KAZN: variants seen among roughly 807,000 people sequenced by gnomAD.
KAZN encodes kazrin.
KAZN carries 40 observed loss-of-function variants against 87.4 expected under a neutral mutation model. That is an observed-to-expected ratio of 0.46 (90% CI 0.36 to 0.60). The LOEUF (loss-of-function observed/expected upper bound fraction) is 0.60, where lower values mean the gene tolerates loss of function less well. Among genes scored for constraint, KAZN ranks in the 20% least tolerant of loss-of-function variants. KAZN has a pLI of 0.00. For missense variants in KAZN, 898 were observed against 1,073.9 expected (o/e 0.84, Z 2.29); for synonymous variants, 466 against 458.3 (o/e 1.02, Z -0.22).
chr1:14,185,162 T>A (rs532906371), intron 2 of KAZN, among the ~76,000 whole-genome samples: 3 of 152,282 alleles, frequency 2.0e-5, no homozygotes, highest in South Asian at 2.1e-4. Context: ...ACCGCACATG[T>A]GGGTTTTCCT....
Position 15,025,240 on chromosome 1 carries a change from G to A in KAZN, c.419-9509G>A, listed in dbSNP as rs905337048. On this transcript the variant is annotated intron_variant, in intron 2 of 14. Coordinates refer to ENST00000376030, the MANE Select transcript of KAZN (RefSeq NM_201628.3). ...TTCACTTACCTTTGGCCCAGGTGAG[G>A]GAAATAAAGTCTGCTCTTTCACCCT... Among the ~76,000 whole-genome samples the A allele has an allele frequency of 2.0e-4, 31 of 152,272 alleles. 1 individual carries two copies. Among genetic ancestry groups the A allele is most frequent in the Middle Eastern group, 3.4e-3 (1 of 294 alleles).
At chr1:14,504,188 G>A (rs773970231) in intron 2 of KAZN, among the ~76,000 whole-genome samples, 6 of 152,154 alleles carry the variant, frequency 3.9e-5, no homozygotes, top group Non-Finnish European at 8.8e-5. Context: ...CAATTACCTT[G>A]TCTCTGAACA....
intron 2 of KAZN, among the ~76,000 whole-genome samples, chr1:14,457,603 A>C (rs1455139658): frequency 1.3e-5 from 2 of 152,018 alleles, no homozygotes; most frequent in Non-Finnish European, 2.9e-5. Flanking sequence ...GTACATTTTA[A>C]ATTTTTCAAG....
At chr1:15,067,872 G>T (rs1341097987) in intron 8 of KAZN, 1 of 961,068 alleles carries the variant, frequency 1.0e-6, no homozygotes. Flanking sequence ...TTCTTTTCTG[G>T]TTGATTTTTA....
At chr1:14,755,626 C>T (rs1004571530) in intron 1 of KAZN, among the ~76,000 whole-genome samples, 53 of 152,260 alleles carry the variant, frequency 3.5e-4, no homozygotes, top group African/African-American at 1.2e-3. Context: ...TTTGCATAAT[C>T]GCTGACTGTT....
chr1:14,443,159 G>A (rs1666790254), intron 2 of KAZN, among the ~76,000 whole-genome samples: 1 of 152,210 alleles, frequency 6.6e-6, no homozygotes, highest in Admixed American at 6.5e-5. Context: ...GGCTTCCCAA[G>A]TAATATATTA....
intron 1 of KAZN, among the ~76,000 whole-genome samples, chr1:14,104,597 C>A (rs948409691): frequency 6.6e-6 from 1 of 152,184 alleles, no homozygotes; most frequent in Non-Finnish European, 1.5e-5. Context: ...TGTGGCCAAC[C>A]TAGAACTTGA....
intron 1 of KAZN, among the ~76,000 whole-genome samples, chr1:13,930,490 G>C (rs549463164): frequency 6.6e-6 from 1 of 152,220 alleles, no homozygotes; most frequent in East Asian, 1.9e-4. Context: ...AATCTACTAA[G>C]CCATTTTCCC....
At chr1:14,015,744 C>T (rs1333740301) in intron 1 of KAZN, among the ~76,000 whole-genome samples, 2 of 151,124 alleles carry the variant, frequency 1.3e-5, no homozygotes, top group African/African-American at 4.9e-5. Flanking sequence ...AAACCTGTCT[C>T]TACTAAAAAT....
intron 2 of KAZN, among the ~76,000 whole-genome samples, chr1:14,248,860 G>C (rs1649752178): frequency 6.6e-6 from 1 of 152,108 alleles, no homozygotes; most frequent in Non-Finnish European, 1.5e-5. Context: ...TTGTTCATGG[G>C]GACATTCACA....
At chr1:14,763,921 T>C (rs182742700) in intron 1 of KAZN, among the ~76,000 whole-genome samples, 67 of 152,268 alleles carry the variant, frequency 4.4e-4, no homozygotes, top group African/African-American at 1.6e-3. Flanking sequence ...AGCTAATTTT[T>C]GTATGTTAGT....
chr1:14,271,881 C>T (rs1651969558), intron 2 of KAZN, among the ~76,000 whole-genome samples: 1 of 152,158 alleles, frequency 6.6e-6, no homozygotes, highest in South Asian at 2.1e-4. Context: ...AGTACTAAGG[C>T]AGAGGAATTC....
intron 2 of KAZN, among the ~76,000 whole-genome samples, chr1:14,458,796 T>C (rs1452610970): frequency 2.6e-5 from 4 of 152,246 alleles, no homozygotes; most frequent in African/African-American, 9.6e-5. Flanking sequence ...TGGGATATTT[T>C]AGCACAACGG....
chr1:13,937,716 A>G (rs1301921393), intron 1 of KAZN, among the ~76,000 whole-genome samples: 2 of 152,174 alleles, frequency 1.3e-5, no homozygotes, highest in African/African-American at 2.4e-5. Context: ...AGTGAGAGAT[A>G]TGGGTCCAGT....
At chr1:14,380,535 C>A (rs1557676728) in intron 2 of KAZN, among the ~76,000 whole-genome samples, 1 of 152,042 alleles carries the variant, frequency 6.6e-6, no homozygotes, top group African/African-American at 2.4e-5. Context: ...TTGAAAAGAA[C>A]CAAGCAGAAA....
At chr1:14,934,217 T>C (rs950903344) in intron 1 of KAZN, among the ~76,000 whole-genome samples, 17 of 150,624 alleles carry the variant, frequency 1.1e-4, no homozygotes, top group African/African-American at 3.9e-4. Context: ...TTCTTTTTTT[T>C]TTTTTCTTTG....
chr1:14,494,089 A>G (rs1557757325), intron 2 of KAZN, among the ~76,000 whole-genome samples: 1 of 152,110 alleles, frequency 6.6e-6, no homozygotes, highest in South Asian at 2.1e-4. Flanking sequence ...TCCCCTGAAT[A>G]TTATGGATGT....
intron 2 of KAZN, among the ~76,000 whole-genome samples, chr1:14,198,094 C>G (rs1570993357): frequency 6.6e-6 from 1 of 152,108 alleles, no homozygotes; most frequent in Admixed American, 6.5e-5. Context: ...AGTGGCATTT[C>G]GAGTTCTCAA....
intron 1 of KAZN, among the ~76,000 whole-genome samples, chr1:14,047,591 G>A (rs367807880): frequency 3.7e-4 from 56 of 152,266 alleles, no homozygotes; most frequent in East Asian, 9.6e-4. Flanking sequence ...AGTTTAGTCC[G>A]GGCATGGCGG....
Sources: gnomAD v4.1 joint callset for allele counts (sites outside exome capture counted in the v4.1 genomes callset) on GRCh38, gnomAD v4.1.1 for gene constraint, MANE v1.5 for transcripts, NCBI Gene and HGNC (gene_info 2026-07-23, HGNC 2026-07-21) for gene names.